Variants in DTNA observed in about 807,000 individuals in gnomAD.
DTNA encodes the protein dystrobrevin alpha.
In DTNA, 43 loss-of-function variants were observed where a neutral mutation model predicts 100.7. The observed-to-expected ratio is 0.43, with a 90% CI of 0.33 to 0.55. DTNA has a LOEUF of 0.55. Ranked by LOEUF, DTNA falls within the 20% of genes least tolerant of loss-of-function variation. DTNA has a pLI of 0.04. For synonymous variants in DTNA, 349 were observed against 347.9 expected, an observed-to-expected ratio of 1.00 and a Z score of -0.04; for missense variants, 798 against 953.9, an observed-to-expected ratio of 0.84 and a Z score of 2.15.
intron 1 of DTNA, among the ~76,000 whole-genome samples, chr18:34,579,317 A>G (rs1484403144): frequency 2.0e-5 from 3 of 152,200 alleles, no homozygotes; most frequent in Non-Finnish European, 4.4e-5. Flanking sequence ...GATGATAGAT[A>G]TGTAGGTAGG....
chr18:34,503,668 T>G (rs939044225), intron 1 of DTNA, among the ~76,000 whole-genome samples: 1 of 152,182 alleles, frequency 6.6e-6, no homozygotes, highest in African/African-American at 2.4e-5. Context: ...CTGTAAATAT[T>G]AATACAATAC....
intron 14 of DTNA, among the ~76,000 whole-genome samples, chr18:34,851,195 G>A (rs2096471436): frequency 1.3e-5 from 2 of 152,008 alleles, no homozygotes; most frequent in African/African-American, 2.4e-5. Context: ...CCTCCACCTC[G>A]GGCTCAAGCA....
chr18:34,877,064 CAT>C (rs2096825918), intron 18 of DTNA, among the ~76,000 whole-genome samples: 1 of 152,156 alleles, frequency 6.6e-6, no homozygotes. Flanking sequence ...CATAAAGAAA[CAT>C]AGTCTAAGTT....
At chr18:34,640,536 C>G (rs566583084) in intron 1 of DTNA, among the ~76,000 whole-genome samples, 17 of 152,316 alleles carry the variant, frequency 1.1e-4, no homozygotes, top group African/African-American at 3.8e-4. Flanking sequence ...TTCATTCGTT[C>G]ACTTATTTGT....
chr18:34,493,975 T>C (rs2144291857), intron 1 of DTNA: 1 of 148,988 alleles, frequency 6.7e-6, no homozygotes, highest in East Asian at 2.0e-4. Flanking sequence ...GGGGCGGCGG[T>C]AGCGGCTGCT....
chr18:34,822,021 G>A lies in DTNA; in HGVS notation c.1001+1106G>A, dbSNP rs2095736761. On this transcript the variant is annotated intron_variant, in intron 9 of 22. Coordinates refer to ENST00000444659, the MANE Select transcript of DTNA (RefSeq NM_001386795.1). Reference sequence around the variant, plus strand: ...GGGCTTTGTTTTGCTTGTTCCCGGGGATGCTCTGAGGCATCTCTGACCTCA... The same window carrying A: ...GGGCTTTGTTTTGCTTGTTCCCGGGAATGCTCTGAGGCATCTCTGACCTCA... Among the ~76,000 whole-genome samples the A allele has an allele frequency of 2.6e-5, 4 of 152,284 alleles. No homozygotes were observed. In the South Asian group the frequency reaches 8.3e-4, roughly 32 times the overall value.
intron 1 of DTNA, among the ~76,000 whole-genome samples, chr18:34,651,050 G>T (rs998478642): frequency 6.6e-6 from 1 of 152,092 alleles, no homozygotes; most frequent in African/African-American, 2.4e-5. Context: ...ACCATTCAAA[G>T]CTTTCTAGAC....
At chr18:34,657,322 A>G (rs1176744271) in intron 1 of DTNA, among the ~76,000 whole-genome samples, 1 of 152,172 alleles carries the variant, frequency 6.6e-6, no homozygotes, top group Non-Finnish European at 1.5e-5. Context: ...GTATTTCCCA[A>G]ATATGGTACT....
intron 21 of DTNA, among the ~76,000 whole-genome samples, chr18:34,883,910 A>C (rs1458485767): frequency 6.6e-6 from 1 of 152,222 alleles, no homozygotes; most frequent in Admixed American, 6.5e-5. Context: ...AAAGAAAAAC[A>C]TAAGTGACTC....
chr18:34,792,135 C>G (rs1478209346), intron 3 of DTNA, among the ~76,000 whole-genome samples: 2 of 150,666 alleles, frequency 1.3e-5, no homozygotes, highest in African/African-American at 4.9e-5. Flanking sequence ...ATCTACTCAT[C>G]TCTTGGATCT....
At chr18:34,616,575 C>T (rs918537702) in intron 1 of DTNA, among the ~76,000 whole-genome samples, 1 of 152,152 alleles carries the variant, frequency 6.6e-6, no homozygotes, top group Non-Finnish European at 1.5e-5. Context: ...ATGCCTCCAG[C>T]TTTGTTCTTT....
In DTNA at chr18:34,524,761, T is replaced by A. The variant is rs538335968; in HGVS notation, c.-2+31247T>A. On this transcript the variant is annotated intron_variant, in intron 1 of 19. Coordinates refer to the DTNA transcript ENST00000283365. ...TTTAGAGACACAAGAGGATTTTTTT[T>A]TAAAAAAAAGGTTTATGTGTTTCTG... 2.9e-3 allele frequency among the ~76,000 whole-genome samples: 446 copies of A among 152,126 alleles called. 1 individual carries two copies. The highest frequency in any genetic ancestry group is 0.01 in the African/African-American group (426 of 41,494).
chr18:34,600,853 C>T (rs1349812134), intron 1 of DTNA, among the ~76,000 whole-genome samples: 2 of 152,214 alleles, frequency 1.3e-5, no homozygotes, highest in Non-Finnish European at 1.5e-5. Context: ...CTCACTTATA[C>T]AATTTAGCCA....
chr18:34,891,081 A>G lies in DTNA; in HGVS notation c.*3347A>G, dbSNP rs1308766880. ...TTTTTACTTTTGAACCAAAAAGAGA[A>G]AAAAAAATCAGAAGTGTTGCATCTT... On this transcript the variant is annotated 3_prime_UTR_variant, in exon 23 of 23. Transcript: ENST00000444659. 2 of 152,500 alleles carry G rather than the reference A, an allele frequency of 1.3e-5. No homozygotes were observed. Among genetic ancestry groups the G allele is most frequent in the African/African-American group, 4.8e-5 (2 of 41,430 alleles). 9.4% of individuals were successfully genotyped at this position (152,500 alleles called of 1,614,324 possible).
chr18:34,777,832 G>A (rs1438067741), intron 3 of DTNA, among the ~76,000 whole-genome samples: 1 of 152,148 alleles, frequency 6.6e-6, no homozygotes, highest in Non-Finnish European at 1.5e-5. Context: ...CTCTCCACAT[G>A]TGGGCATTAC....
chr18:34,871,173 G>T (rs2096762025), intron 17 of DTNA, among the ~76,000 whole-genome samples: 2 of 152,152 alleles, frequency 1.3e-5, no homozygotes, highest in Admixed American at 1.3e-4. Flanking sequence ...TTTCACCAGG[G>T]TGTCCTGATT....
chr18:34,636,049 A>C (rs2058636073), intron 1 of DTNA, among the ~76,000 whole-genome samples: 1 of 152,260 alleles, frequency 6.6e-6, no homozygotes, highest in South Asian at 2.1e-4. Context: ...ACGTGTGTGC[A>C]CACAATATAT....
chr18:34,791,707 G>A (rs141555247), intron 3 of DTNA, among the ~76,000 whole-genome samples: 1 of 152,106 alleles, frequency 6.6e-6, no homozygotes, highest in Non-Finnish European at 1.5e-5. Context: ...ATTTTAGTTG[G>A]TATGTGATTT....
chr18:34,664,655 G>A (rs1263906067), intron 1 of DTNA, among the ~76,000 whole-genome samples: 4 of 151,912 alleles, frequency 2.6e-5, no homozygotes, highest in Non-Finnish European at 4.4e-5. Flanking sequence ...AGGTGTCTGG[G>A]GTACAAACTT....
Sources: allele counts gnomAD v4.1 joint callset (sites outside exome capture counted in the v4.1 genomes callset), GRCh38; gene constraint gnomAD v4.1.1; transcripts MANE v1.5; gene names NCBI Gene and HGNC (gene_info 2026-07-23, HGNC 2026-07-21).